Variants in CADPS2 observed in about 807,000 individuals in gnomAD.
The protein encoded by CADPS2 is calcium dependent secretion activator 2, also known as calcium-dependent secretion activator 2.
Under a neutral mutation model 172.5 loss-of-function variants are expected in CADPS2, and 93 were observed. The observed-to-expected ratio is 0.54, with a 90% confidence interval of 0.46 to 0.64. The LOEUF (loss-of-function observed/expected upper bound fraction) is 0.64. CADPS2 is among the 30% of genes least tolerant of loss of function. The pLI is 0.00. For synonymous variants in CADPS2, 546 were observed against 555.2 expected (o/e 0.98, Z 0.23); for missense variants, 1,420 against 1,565.9 (o/e 0.91, Z 1.57).
At chr7:122,672,755 G>C (rs2471182) in intron 2 of CADPS2, among the ~76,000 whole-genome samples, 21,365 of 152,214 alleles carry the variant, frequency 0.14, 1,579 homozygotes, top group Non-Finnish European at 0.16. Flanking sequence ...TGACTTTCTT[G>C]TGAAAATGCC....
intron 3 of CADPS2, among the ~76,000 whole-genome samples, chr7:122,646,868 T>C (rs561544830): frequency 1.3e-4 from 20 of 151,976 alleles, no homozygotes; most frequent in Non-Finnish European, 2.5e-4. Flanking sequence ...GATAATGAAG[T>C]CTCCAGCTAT....
At chr7:122,743,062 G>A (rs957624088) in intron 1 of CADPS2, among the ~76,000 whole-genome samples, 1 of 152,056 alleles carries the variant, frequency 6.6e-6, no homozygotes, top group Non-Finnish European at 1.5e-5. Context: ...TTTTAAATAT[G>A]AAGGAAAATT....
At chr7:122,477,606 G>A (rs964838522) in intron 12 of CADPS2, among the ~76,000 whole-genome samples, 1 of 144,820 alleles carries the variant, frequency 6.9e-6, no homozygotes, top group African/African-American at 2.6e-5. Context: ...GGCAACAATA[G>A]CATCAAAGCT....
intron 1 of CADPS2, among the ~76,000 whole-genome samples, chr7:122,827,151 G>A (rs1041127485): frequency 7.9e-5 from 12 of 152,074 alleles, no homozygotes; most frequent in Non-Finnish European, 1.8e-4. Flanking sequence ...TGAACAACTT[G>A]ATGCTCAAAA....
intron 1 of CADPS2, among the ~76,000 whole-genome samples, chr7:122,828,224 G>A (rs1805510608): frequency 6.6e-6 from 1 of 150,854 alleles, no homozygotes; most frequent in African/African-American, 2.4e-5. Flanking sequence ...TAAATTATCA[G>A]GTGTTGATAT....
At chr7:122,759,494 T>A (rs1404686650) in intron 1 of CADPS2, among the ~76,000 whole-genome samples, 1 of 152,162 alleles carries the variant, frequency 6.6e-6, no homozygotes, top group Non-Finnish European at 1.5e-5. Context: ...ATCATACAAG[T>A]CACATTGTAA....
chr7:122,436,316 C>T (rs2050636938), intron 17 of CADPS2: 6 of 1,188,056 alleles, frequency 5.1e-6, no homozygotes, highest in African/African-American at 1.6e-5. Context: ...TATCACACCA[C>T]CACATGAGAA....
chr7:122,843,352 GAAAAAAGGTATCAAAACAGC>G (rs1013156318), intron 1 of CADPS2, among the ~76,000 whole-genome samples: 3 of 151,966 alleles, frequency 2.0e-5, no homozygotes, highest in African/African-American at 7.3e-5. Flanking sequence ...TGCCACAGTG[GAAAAAAGGTATCAAAACAGC>G]ATCAAAATGA....
At chr7:122,676,527 T>A in intron 2 of CADPS2, 1 of 532,842 alleles carries the variant, frequency 1.9e-6, no homozygotes. Context: ...TACAATAAGC[T>A]TATGTTCAAG....
intron 8 of CADPS2, among the ~76,000 whole-genome samples, chr7:122,546,262 T>C (rs1327646905): frequency 2.0e-5 from 3 of 152,188 alleles, no homozygotes; most frequent in Non-Finnish European, 4.4e-5. Context: ...GTGCTTCAGA[T>C]ACAGTCTACA....
chr7:122,347,483 T>C (rs1483599822), intron 27 of CADPS2, among the ~76,000 whole-genome samples: 1 of 152,150 alleles, frequency 6.6e-6, no homozygotes, highest in Non-Finnish European at 1.5e-5. Context: ...AAGGTAAATA[T>C]ATACCACATA....
intron 7 of CADPS2, among the ~76,000 whole-genome samples, chr7:122,573,213 A>T (rs1320504167): frequency 6.6e-6 from 1 of 152,028 alleles, no homozygotes; most frequent in Non-Finnish European, 1.5e-5. Flanking sequence ...AAACCAACTA[A>T]AGGAAATGCT....
At chr7:122,575,623 G>A (rs898399048) in intron 7 of CADPS2, among the ~76,000 whole-genome samples, 3 of 151,944 alleles carry the variant, frequency 2.0e-5, no homozygotes, top group African/African-American at 7.2e-5. Context: ...TTTTAATAGA[G>A]ATGAGGTTTC....
chr7:122,351,169 A>T (rs556612561), intron 27 of CADPS2, among the ~76,000 whole-genome samples: 2 of 151,748 alleles, frequency 1.3e-5, no homozygotes, highest in South Asian at 2.1e-4. Context: ...ATAAGAGACC[A>T]TCCTGGCTAA....
intron 6 of CADPS2, among the ~76,000 whole-genome samples, chr7:122,589,332 A>G (rs976399413): frequency 2.0e-5 from 3 of 152,060 alleles, no homozygotes; most frequent in Non-Finnish European, 4.4e-5. Flanking sequence ...ATTATCAATT[A>G]TATAAATGGA....
At chr7:122,803,518 A>C (rs991347985) in intron 1 of CADPS2, among the ~76,000 whole-genome samples, 13 of 152,180 alleles carry the variant, frequency 8.5e-5, no homozygotes, top group Admixed American at 7.2e-4. Flanking sequence ...TTTCTATCAG[A>C]ATCACATGAA....
chr7:122,358,193 CT>C, intron 27 of CADPS2, among the ~76,000 whole-genome samples: 1 of 152,184 alleles, frequency 6.6e-6, no homozygotes, highest in Non-Finnish European at 1.5e-5. Context: ...GTGGTATCTT[CT>C]TTTAATTTGC....
At chr7:122,504,864 C>T (rs575974468) in intron 9 of CADPS2, among the ~76,000 whole-genome samples, 20 of 152,236 alleles carry the variant, frequency 1.3e-4, no homozygotes, top group Non-Finnish European at 2.4e-4. Flanking sequence ...ATGCCCAGTC[C>T]GTTTTCACAA....
intron 4 of CADPS2, among the ~76,000 whole-genome samples, chr7:122,625,458 C>T (rs898758918): frequency 6.6e-6 from 1 of 152,184 alleles, no homozygotes; most frequent in African/African-American, 2.4e-5. Flanking sequence ...ATAACATTTA[C>T]AATCAGTAAA....
Sources: gnomAD v4.1 joint callset for allele counts (sites outside exome capture counted in the v4.1 genomes callset) on GRCh38, gnomAD v4.1.1 for gene constraint, MANE v1.5 for transcripts, NCBI Gene and HGNC (gene_info 2026-07-23, HGNC 2026-07-21) for gene names.